Variants in ZNF567 observed in about 807,000 individuals in gnomAD.
ZNF567 encodes the protein zinc finger protein 567.
In ZNF567, 36 loss-of-function variants were observed where a neutral mutation model predicts 53.9. The observed-to-expected ratio is 0.67, with a 90% CI of 0.51 to 0.88. The LOEUF is 0.88. Among genes scored for constraint, ZNF567 ranks in the 40% least tolerant of loss-of-function variants. The pLI is 0.00. For synonymous variants in ZNF567, 224 were observed against 260.4 expected (o/e 0.86, Z 1.35); for missense variants, 619 against 764.7 (o/e 0.81, Z 2.25).
At chr19:36,713,099 C>T (rs934093819) in intron 5 of ZNF567, among the ~76,000 whole-genome samples, 2 of 151,660 alleles carry the variant, frequency 1.3e-5, no homozygotes, top group East Asian at 1.9e-4. Context: ...CTTGAGGCCA[C>T]GAGTTCAGAG....
chr19:36,697,134 T>A (rs2038928082), intron 3 of ZNF567, among the ~76,000 whole-genome samples: 1 of 152,208 alleles, frequency 6.6e-6, no homozygotes, highest in South Asian at 2.1e-4. Flanking sequence ...TTAATGAACA[T>A]GATGCACATC....
At chr19:36,680,732 T>C in the ZNF567 span, among the ~76,000 whole-genome samples, 2 of 152,200 alleles carry the variant, frequency 1.3e-5, no homozygotes, top group Non-Finnish European at 2.9e-5. Flanking sequence ...AGCCTCACTT[T>C]GCCTCTTTTT....
chr19:36,673,356 A>G, the ZNF567 span, among the ~76,000 whole-genome samples: 2 of 152,222 alleles, frequency 1.3e-5, no homozygotes, highest in African/African-American at 4.8e-5. Flanking sequence ...ATGCCCAGAT[A>G]TTTGGTCAAA....
intron 3 of ZNF567, among the ~76,000 whole-genome samples, chr19:36,698,074 C>T (rs868741394): frequency 4.6e-5 from 7 of 151,962 alleles, no homozygotes; most frequent in Non-Finnish European, 1.0e-4. Context: ...TCCCTCCCCC[C>T]TCTCCCCACC....
At chr19:36,723,127 G>A (rs2040317979), downstream of ZNF567, 1 of 702,564 alleles carries the variant, frequency 1.4e-6, no homozygotes, top group Non-Finnish European at 2.6e-6. Flanking sequence ...TATGCTAACA[G>A]TGGTGACTAA....
At chr19:36,678,196 G>A in the ZNF567 span, among the ~76,000 whole-genome samples, 97 of 152,282 alleles carry the variant, frequency 6.4e-4, 1 homozygote, top group Non-Finnish European at 2.9e-4. Context: ...AAACTTCAAG[G>A]TATTGTTTGA....
downstream of ZNF567, chr19:36,727,209 T>A (rs1304372365): frequency 6.9e-6 from 1 of 145,656 alleles, no homozygotes; most frequent in Admixed American, 6.9e-5. Context: ...GTAGCTGGGA[T>A]TACAGGTACG....
rs201636823 is a variant in ZNF567, at chr19:36,720,351, C to T, written c.1627C>T (p.Arg543Cys). 1.5e-4 allele frequency: 238 copies of T among 1,613,532 alleles called. 1 individual carries two copies. The highest frequency in any genetic ancestry group is 1.7e-4 in the Non-Finnish European group (206 of 1,179,938). Reference sequence around the variant, plus strand: ...TTGTAATGAATGTGGGAAGTCCTTTCGCCAGAAAGCAACCCTCACTGTACA... The same window carrying T: ...TTGTAATGAATGTGGGAAGTCCTTTTGCCAGAAAGCAACCCTCACTGTACA... ...YVCNECGKSF[R>C]QKATLTVHQK... Residue 543 changes from arginine to cysteine, a missense_variant, in exon 6 of 6, where the codon CGC (arginine) becomes TGC (cysteine). Coordinates refer to ENST00000682579, the MANE Select transcript of ZNF567 (RefSeq NM_001322917.1).
At chr19:36,714,292 G>A (rs2039936849) in intron 5 of ZNF567, 2 of 323,526 alleles carry the variant, frequency 6.2e-6, no homozygotes, top group Non-Finnish European at 1.1e-5. Context: ...CTCCTAAGTA[G>A]CTGGGATTAC....
chr19:36,727,178 TCTC>T (rs1372905982), downstream of ZNF567: 1 of 151,074 alleles, frequency 6.6e-6, no homozygotes, highest in African/African-American at 2.4e-5. Context: ...TTCAAGCAAT[TCTC>T]CTGCCTCAGC....
the ZNF567 span, among the ~76,000 whole-genome samples, chr19:36,680,232 CT>C: frequency 3.9e-5 from 6 of 152,102 alleles, no homozygotes; most frequent in African/African-American, 9.7e-5. Flanking sequence ...CAGTTGCCCC[CT>C]ATGAGCATCT....
At chr19:36,716,989 C>A (rs1027795489) in intron 5 of ZNF567, among the ~76,000 whole-genome samples, 1 of 152,084 alleles carries the variant, frequency 6.6e-6, no homozygotes, top group Non-Finnish European at 1.5e-5. Context: ...CCATGCCCGG[C>A]CAGCTTTTTT....
intron 3 of ZNF567, among the ~76,000 whole-genome samples, chr19:36,709,835 T>A (rs1212775022): frequency 6.6e-6 from 1 of 152,224 alleles, no homozygotes; most frequent in East Asian, 1.9e-4. Flanking sequence ...TATCTTTATG[T>A]TGCCTTCATT....
At chr19:36,676,055 C>CTTTTTTT in the ZNF567 span, among the ~76,000 whole-genome samples, 11 of 60,620 alleles carry the variant, frequency 1.8e-4, 2 homozygotes, top group Admixed American at 5.9e-4. Context: ...TATTCTACAC[C>CTTTTTTT]TTTTTTTTTT....
chr19:36,722,047 A>G (rs1013500243), downstream of ZNF567, among the ~76,000 whole-genome samples: 2 of 151,988 alleles, frequency 1.3e-5, no homozygotes, highest in South Asian at 2.1e-4. Flanking sequence ...TGGCTACAAC[A>G]TAAGCCTTTT....
At chr19:36,695,276 C>G (rs1313266087) in intron 3 of ZNF567, among the ~76,000 whole-genome samples, 1 of 151,032 alleles carries the variant, frequency 6.6e-6, no homozygotes, top group Non-Finnish European at 1.5e-5. Context: ...CGCCTGTAAT[C>G]CCAGCACTTT....
downstream of ZNF567, among the ~76,000 whole-genome samples, chr19:36,721,744 CTTTTTTT>C (rs5827963): frequency 9.9e-6 from 1 of 101,486 alleles, no homozygotes; most frequent in Admixed American, 1.3e-4. Flanking sequence ...TTTTTTTTTT[CTTTTTTT>C]TTTTTTTTTT....
At chr19:36,679,965 A>G in the ZNF567 span, among the ~76,000 whole-genome samples, 1 of 152,192 alleles carries the variant, frequency 6.6e-6, no homozygotes, top group African/African-American at 2.4e-5. Flanking sequence ...AAAATAGCTA[A>G]AAGATAGGAT....
chr19:36,726,120 A>AT (rs1467093201), downstream of ZNF567, among the ~76,000 whole-genome samples: 1 of 151,970 alleles, frequency 6.6e-6, no homozygotes, highest in Non-Finnish European at 1.5e-5. Context: ...ATTCTATACT[A>AT]TTTGGTTATT....
Sources: gnomAD v4.1 joint callset for allele counts (sites outside exome capture counted in the v4.1 genomes callset) on GRCh38, gnomAD v4.1.1 for gene constraint, MANE v1.5 for transcripts, NCBI Gene and HGNC (gene_info 2026-07-23, HGNC 2026-07-21) for gene names.